LINGO2: variants seen among roughly 807,000 people sequenced by gnomAD.
LINGO2 encodes the protein leucine-rich repeat and immunoglobulin-like domain-containing nogo receptor-interacting protein 2.
Under a neutral mutation model 30.6 loss-of-function variants are expected in LINGO2, and 14 were observed. That is an observed-to-expected ratio of 0.46 (90% CI 0.30 to 0.72). The LOEUF (loss-of-function observed/expected upper bound fraction) is 0.72. Among genes scored for constraint, LINGO2 ranks in the 30% least tolerant of loss-of-function variants. The pLI is 0.07. For synonymous variants in LINGO2, 317 were observed against 288.5 expected (o/e 1.10, Z -1.00); for missense variants, 729 against 751.7 (o/e 0.97, Z 0.35).
At chr9:28,989,490 A>G in the LINGO2 span, among the ~76,000 whole-genome samples, 1 of 152,190 alleles carries the variant, frequency 6.6e-6, no homozygotes, top group Non-Finnish European at 1.5e-5. Context: ...AACATATTAG[A>G]AAGGATATTA....
rs536278779 is a variant in LINGO2 at position 28,044,666 on chromosome 9, T to C, written c.-86-32261A>G. Among the ~76,000 whole-genome samples, 5 of 152,224 alleles carry C rather than the reference T, an allele frequency of 3.3e-5. No individual in the cohort carries two copies. In the South Asian group the frequency reaches 8.3e-4, roughly 25 times the overall value. On this transcript the variant is annotated intron_variant, in intron 4 of 5. Coordinates refer to ENST00000379992, the Ensembl canonical transcript of LINGO2. ...TAAGTCAAGCAAGAAGAGGAAACCA[T>C]GCTATCAATGCTGGTGCAGGGGAGA...
chr9:28,351,183 A>C (rs200124692), intron 3 of LINGO2, among the ~76,000 whole-genome samples: 36,251 of 149,878 alleles, frequency 0.24, 5,424 homozygotes, highest in East Asian at 0.59. Flanking sequence ...GACACAAAAA[A>C]CCCTTCAAAA....
chr9:29,132,885 T>G, the LINGO2 span, among the ~76,000 whole-genome samples: 2 of 152,152 alleles, frequency 1.3e-5, no homozygotes, highest in South Asian at 2.1e-4. Flanking sequence ...GTAATCCTTT[T>G]TTTTTTACTG....
chr9:29,065,812 CA>C, the LINGO2 span, among the ~76,000 whole-genome samples: 187 of 149,568 alleles, frequency 1.3e-3, no homozygotes, highest in Non-Finnish European at 2.3e-3. Flanking sequence ...AAAAGACAGA[CA>C]AAAAAAAATC....
chr9:28,778,240 A>G, the LINGO2 span, among the ~76,000 whole-genome samples: 1 of 152,320 alleles, frequency 6.6e-6, no homozygotes, highest in Non-Finnish European at 1.5e-5. Context: ...TTTAGATAAA[A>G]TGTTTCCTCT....
At chr9:27,994,685 T>C (rs1010800135) in intron 5 of LINGO2, among the ~76,000 whole-genome samples, 6 of 152,146 alleles carry the variant, frequency 3.9e-5, no homozygotes, top group African/African-American at 1.4e-4. Context: ...ACAGGAACCA[T>C]TCATATTCAA....
intron 4 of LINGO2, among the ~76,000 whole-genome samples, chr9:28,102,243 A>T (rs1826439714): frequency 6.6e-6 from 1 of 152,038 alleles, no homozygotes; most frequent in African/African-American, 2.4e-5. Flanking sequence ...AATTTTAAAC[A>T]GTATATACGC....
At chr9:27,975,244 C>T (rs1228489472) in intron 5 of LINGO2, among the ~76,000 whole-genome samples, 4 of 152,016 alleles carry the variant, frequency 2.6e-5, no homozygotes, top group African/African-American at 7.2e-5. Flanking sequence ...CTGTGATTAA[C>T]GTGCTATTTA....
intron 2 of LINGO2, among the ~76,000 whole-genome samples, chr9:28,437,882 C>G (rs1186934135): frequency 2.0e-5 from 3 of 152,152 alleles, no homozygotes. Context: ...TCATTTTTAA[C>G]AGTTTAATTT....
chr9:28,057,212 A>T (rs1464313673), intron 4 of LINGO2, among the ~76,000 whole-genome samples: 1 of 152,096 alleles, frequency 6.6e-6, no homozygotes, highest in Non-Finnish European at 1.5e-5. Flanking sequence ...AGGTATTCCA[A>T]CTGATTTGGG....
the LINGO2 span, among the ~76,000 whole-genome samples, chr9:28,805,740 C>A: frequency 2.0e-5 from 3 of 152,180 alleles, no homozygotes; most frequent in Admixed American, 1.3e-4. Flanking sequence ...CCTCAACAGT[C>A]CCTGTACAGT....
At chr9:28,664,986 T>C (rs1227367455) in intron 1 of LINGO2, among the ~76,000 whole-genome samples, 1 of 132,392 alleles carries the variant, frequency 7.6e-6, no homozygotes, top group Non-Finnish European at 1.6e-5. Context: ...ATTATTTATG[T>C]ATGTGTTTAC....
chr9:28,888,309 C>A, the LINGO2 span, among the ~76,000 whole-genome samples: 1 of 152,026 alleles, frequency 6.6e-6, no homozygotes, highest in Admixed American at 6.6e-5. Context: ...TGAGATTTAA[C>A]AACAGATTCA....
chr9:29,119,054 G>A, the LINGO2 span, among the ~76,000 whole-genome samples: 1 of 152,094 alleles, frequency 6.6e-6, no homozygotes, highest in East Asian at 1.9e-4. Context: ...CTCAGTCCTG[G>A]CTGAGGACCC....
At chr9:28,237,801 C>T (rs1298649656) in intron 4 of LINGO2, among the ~76,000 whole-genome samples, 1 of 152,000 alleles carries the variant, frequency 6.6e-6, no homozygotes, top group Non-Finnish European at 1.5e-5. Context: ...TTGCAGTGAG[C>T]CAAGATTGTG....
chr9:28,355,259 CTG>C (rs1554710253), intron 3 of LINGO2, among the ~76,000 whole-genome samples: 1 of 6,816 alleles, frequency 1.5e-4, no homozygotes, highest in African/African-American at 3.6e-4. Context: ...CTCTCTGTCT[CTG>C]TCTCTCTCTC....
the LINGO2 span, among the ~76,000 whole-genome samples, chr9:28,796,453 T>C: frequency 1.2e-4 from 18 of 152,226 alleles, no homozygotes; most frequent in South Asian, 3.7e-3. Flanking sequence ...ACTGGTCTGA[T>C]ACCACAACAT....
In LINGO2 at chr9:28,294,809, A is replaced by G. The variant is rs528499287; in HGVS notation, c.-87+399T>C. 5.9e-5 allele frequency among the ~76,000 whole-genome samples: 9 copies of G among 152,334 alleles called. No homozygotes were observed. In the South Asian group the frequency reaches 1.9e-3, roughly 32 times the overall value. The stretch of plus-strand genomic sequence containing the variant: ...AGTAACCTTGAAGCACATTTATAAG[A>G]TCATATGCCATGAACTGATATTCAC... On this transcript the variant is annotated intron_variant, in intron 4 of 5. Coordinates refer to ENST00000379992, the Ensembl canonical transcript of LINGO2.
chr9:28,571,692 CA>C (rs1240749677), intron 1 of LINGO2, among the ~76,000 whole-genome samples: 2 of 151,992 alleles, frequency 1.3e-5, no homozygotes, highest in African/African-American at 4.8e-5. Context: ...CATAGGCAGA[CA>C]TTTTAAAATG....
Sources: gnomAD v4.1 joint callset for allele counts (sites outside exome capture counted in the v4.1 genomes callset) on GRCh38, gnomAD v4.1.1 for gene constraint, MANE v1.5 for transcripts, NCBI Gene and HGNC (gene_info 2026-07-23, HGNC 2026-07-21) for gene names.